Variants in SLIT2 observed in about 807,000 individuals in gnomAD.
SLIT2 encodes the protein slit guidance ligand 2.
Under a neutral mutation model 185.7 loss-of-function variants are expected in SLIT2, and 41 were observed. The ratio of observed to expected loss-of-function variants is 0.22; its 90% confidence interval spans 0.17 to 0.29. The LOEUF (loss-of-function observed/expected upper bound fraction) is 0.29, where lower values mean the gene tolerates loss of function less well. SLIT2 is among the 10% of genes least tolerant of loss of function. The pLI, the probability that SLIT2 is intolerant of heterozygous loss-of-function variation, is 1.00. For synonymous variants in SLIT2, 693 were observed against 680.2 expected (o/e 1.02, Z -0.29); for missense variants, 1,571 against 1,909.0 (o/e 0.82, Z 3.30).
intron 4 of SLIT2, among the ~76,000 whole-genome samples, chr4:20,409,723 G>C (rs1172910414): frequency 6.6e-6 from 1 of 151,954 alleles, no homozygotes; most frequent in Admixed American, 6.6e-5. Flanking sequence ...CCACAACCTC[G>C]CCAGCACCTG....
At chr4:20,350,924 C>T (rs1176648838) in intron 4 of SLIT2, among the ~76,000 whole-genome samples, 1 of 152,032 alleles carries the variant, frequency 6.6e-6, no homozygotes, top group African/African-American at 2.4e-5. Flanking sequence ...TTTTTAATAA[C>T]TTTTAATACT....
chr4:20,618,914 C>G lies in SLIT2; in HGVS notation c.4495C>G (p.Arg1499Gly). Residue 1499 changes from arginine (R) to glycine (G), a missense_variant, in exon 37 of 37, where the codon CGG becomes GGG. Transcript: ENST00000504154. ...GTGCTGTGGACCGCTGAGGAGCAAG[C>G]GGCGGAAATACTCTTTCGAATGCAC... is the stretch of plus-strand genomic sequence containing the variant. ...GQCCGPLRSKRRKYSFECTDG... is the reference protein window; with the variant it reads ...GQCCGPLRSKGRKYSFECTDG... 2 of 1,614,034 alleles carry G rather than the reference C, an allele frequency of 1.2e-6. No individual in the cohort carries two copies. Among genetic ancestry groups the G allele is most frequent in the Non-Finnish European group, 1.7e-6 (2 of 1,180,010 alleles).
intron 4 of SLIT2, among the ~76,000 whole-genome samples, chr4:20,408,090 A>G (rs112199853): frequency 1.7e-3 from 255 of 152,314 alleles, no homozygotes; most frequent in Non-Finnish European, 3.0e-3. Flanking sequence ...TAAGTAAATT[A>G]TAAAGTTCCA....
chr4:20,485,368 T>C lies in SLIT2; in HGVS notation c.540-832T>C, dbSNP rs1340017700. The stretch of plus-strand genomic sequence containing the variant: ...CATAAAATAATAGCCATTTGGGAAA[T>C]ATTTGATGAATGAATGAGTAGTAAT... On this transcript the variant is annotated intron_variant, in intron 6 of 36. Coordinates refer to ENST00000504154, the MANE Select transcript of SLIT2 (RefSeq NM_004787.4). Among the ~76,000 whole-genome samples, 3 of 152,154 alleles carry C rather than the reference T, an allele frequency of 2.0e-5. No individual in the cohort carries two copies. In the East Asian group the frequency reaches 5.8e-4, roughly 29 times the overall value.
chr4:20,449,696 C>T (rs557052831), intron 4 of SLIT2, among the ~76,000 whole-genome samples: 75 of 152,054 alleles, frequency 4.9e-4, no homozygotes, highest in Non-Finnish European at 7.8e-4. Context: ...CGTGAGCCAC[C>T]GCACCCGGCC....
chr4:20,489,018 T>C (rs1411680566), intron 8 of SLIT2, 36 bp downstream of exon 8: 1 of 1,556,480 alleles, frequency 6.4e-7, no homozygotes, highest in South Asian at 1.1e-5. Flanking sequence ...ATTGTGTTTA[T>C]TGTATCCTGT....
chr4:20,616,991 A>C lies in SLIT2; in HGVS notation c.3929A>C (p.Asn1310Thr). 6.2e-7 allele frequency: 1 copy of C among 1,614,108 alleles called. No homozygotes were observed. Among genetic ancestry groups the C allele is most frequent in the Non-Finnish European group, 8.5e-7 (1 of 1,179,990 alleles). The part of the protein sequence containing the change: ...NGTSFHGCIR[N>T]LYINSELQDF... ...ACCAGCTTCCACGGCTGCATCCGGAACCTTTACATCAACAGTGAGCTGCAG... is the reference window on the plus strand; with the variant it reads ...ACCAGCTTCCACGGCTGCATCCGGACCCTTTACATCAACAGTGAGCTGCAG... Residue 1310 changes from asparagine (N) to threonine (T), a missense_variant, in exon 35 of 37, where the codon AAC (asparagine) becomes ACC (threonine). Around this residue, in one of 3 missense-constraint regions of SLIT2, gnomAD observed 146 missense variants for 247.4 expected, o/e 0.59. Coordinates refer to ENST00000504154, the MANE Select transcript of SLIT2 (RefSeq NM_004787.4).
rs185075691 is a variant in SLIT2 at position 20,424,503 on chromosome 4, T to C, written c.396-43249T>C. On this transcript the variant is annotated intron_variant, in intron 4 of 36. Coordinates refer to ENST00000504154, the MANE Select transcript of SLIT2 (RefSeq NM_004787.4). Reference sequence around the variant, plus strand: ...ACATGTATGGGTTTTTCTCAAATACTGTAGTAACCATTTATTCACAGAACA... The same window carrying C: ...ACATGTATGGGTTTTTCTCAAATACCGTAGTAACCATTTATTCACAGAACA... Among the ~76,000 whole-genome samples the C allele has an allele frequency of 2.9e-3, 443 of 152,226 alleles. 3 individuals are homozygous for C. Among genetic ancestry groups the C allele is most frequent in the Middle Eastern group, 0.024 (7 of 294 alleles).
chr4:20,574,897 G>T (rs763860761), intron 29 of SLIT2, among the ~76,000 whole-genome samples: 1 of 151,638 alleles, frequency 6.6e-6, no homozygotes, highest in Non-Finnish European at 1.5e-5. Context: ...TACTGTGTTT[G>T]CTGACTTACT....
chr4:20,389,609 C>G (rs1725255725), intron 4 of SLIT2, among the ~76,000 whole-genome samples: 1 of 150,870 alleles, frequency 6.6e-6, no homozygotes, highest in African/African-American at 2.4e-5. Flanking sequence ...TTTATAGTTT[C>G]CAAAACAAAA....
chr4:20,443,582 T>TAAAAAAAAAAAAA (rs71653885), intron 4 of SLIT2, among the ~76,000 whole-genome samples: 1 of 63,060 alleles, frequency 1.6e-5, no homozygotes, highest in African/African-American at 6.2e-5. Flanking sequence ...GGAGAAAATC[T>TAAAAAAAAAAAAA]AAAAAAAAAA....
At chr4:20,527,166 A>G (rs1360534150) in intron 15 of SLIT2, among the ~76,000 whole-genome samples, 1 of 152,152 alleles carries the variant, frequency 6.6e-6, no homozygotes, top group Admixed American at 6.5e-5. Context: ...TGTTGTAATG[A>G]TTGTCCTTGA....
intron 12 of SLIT2, among the ~76,000 whole-genome samples, chr4:20,520,764 C>T (rs942757563): frequency 1.3e-5 from 2 of 152,054 alleles, no homozygotes; most frequent in African/African-American, 4.8e-5. Context: ...ATATGTAGTG[C>T]TCTCTTTTCT....
chr4:20,273,952 A>G (rs1713896349), intron 4 of SLIT2, among the ~76,000 whole-genome samples: 1 of 152,170 alleles, frequency 6.6e-6, no homozygotes, highest in Admixed American at 6.5e-5. Flanking sequence ...TGCAGGTTAC[A>G]GTTGCTACGG....
intron 4 of SLIT2, among the ~76,000 whole-genome samples, chr4:20,320,018 C>T (rs565503665): frequency 6.6e-4 from 101 of 152,268 alleles, no homozygotes; most frequent in African/African-American, 2.3e-3. Flanking sequence ...AGGATCTTTT[C>T]ACACTGGATT....
At chr4:20,614,899 G>A (rs893177719) in intron 34 of SLIT2, 6 of 151,978 alleles carry the variant, frequency 3.9e-5, no homozygotes, top group African/African-American at 1.2e-4. Context: ...TCAAATATAC[G>A]TATGATGTCT....
chr4:20,525,860 G>T (rs1461546348), intron 15 of SLIT2, among the ~76,000 whole-genome samples: 1 of 152,100 alleles, frequency 6.6e-6, no homozygotes, highest in Non-Finnish European at 1.5e-5. Context: ...AATAATTTAG[G>T]CAGATGGATA....
At chr4:20,597,068 G>GTTT (rs562211138) in intron 32 of SLIT2, among the ~76,000 whole-genome samples, 5 of 135,086 alleles carry the variant, frequency 3.7e-5, no homozygotes, top group African/African-American at 2.7e-5. Flanking sequence ...TTGTTTTGTT[G>GTTT]TTTTTTTTTT....
intron 22 of SLIT2, among the ~76,000 whole-genome samples, chr4:20,547,687 AT>A (rs1003336143): frequency 2.0e-5 from 3 of 150,414 alleles, no homozygotes; most frequent in African/African-American, 7.3e-5. Flanking sequence ...GTGAATATAT[AT>A]TAGTATTACA....
Sources: allele counts gnomAD v4.1 joint callset (sites outside exome capture counted in the v4.1 genomes callset), GRCh38; gene constraint gnomAD v4.1.1; regional missense constraint gnomAD v4.1.1; transcripts MANE v1.5; gene names NCBI Gene and HGNC (gene_info 2026-07-23, HGNC 2026-07-21).